The following TENM2 variants were observed in gnomAD, a reference collection of about 807,000 sequenced individuals.
The protein encoded by TENM2 is teneurin transmembrane protein 2, also known as teneurin-2.
TENM2 carries 52 observed loss-of-function variants against 245.2 expected under a neutral mutation model. That is an observed-to-expected ratio of 0.21 (90% confidence interval 0.17 to 0.27). The LOEUF is 0.27. Among genes scored for constraint, TENM2 ranks in the 10% least tolerant of loss-of-function variants. The pLI is 1.00. For synonymous variants in TENM2, 1,363 were observed against 1,438.9 expected, an observed-to-expected ratio of 0.95 and a Z score of 1.19; for missense variants, 3,046 against 3,666.8, an observed-to-expected ratio of 0.83 and a Z score of 4.37.
the TENM2 span, among the ~76,000 whole-genome samples, chr5:167,063,076 G>T: frequency 1.3e-5 from 2 of 152,106 alleles, no homozygotes; most frequent in Non-Finnish European, 2.9e-5. Context: ...CCAATTGGTG[G>T]ACACATTGTA....
At chr5:167,980,384 T>C (rs1247149786) in intron 4 of TENM2, among the ~76,000 whole-genome samples, 1 of 151,978 alleles carries the variant, frequency 6.6e-6, no homozygotes, top group Non-Finnish European at 1.5e-5. Flanking sequence ...GAGGAGAGAC[T>C]TGAAAGACCT....
chr5:167,049,216 TTCTGTGCTAC>T, the TENM2 span, among the ~76,000 whole-genome samples: 1 of 152,222 alleles, frequency 6.6e-6, no homozygotes, highest in Non-Finnish European at 1.5e-5. Context: ...CACATGTGCT[TTCTGTGCTAC>T]ACAGATCCAT....
intron 12 of TENM2, among the ~76,000 whole-genome samples, chr5:168,148,829 G>C (rs1274193559): frequency 6.6e-6 from 1 of 151,492 alleles, no homozygotes; most frequent in Non-Finnish European, 1.5e-5. Context: ...ACAGATTTTT[G>C]GTAAGGAATG....
intron 2 of TENM2, among the ~76,000 whole-genome samples, chr5:167,630,547 G>A (rs1778800006): frequency 6.6e-6 from 1 of 152,172 alleles, no homozygotes; most frequent in Non-Finnish European, 1.5e-5. Context: ...ACTGCACGAA[G>A]TGAAATTGCC....
chr5:167,645,397 A>T (rs1004048159), intron 2 of TENM2, among the ~76,000 whole-genome samples: 1 of 152,138 alleles, frequency 6.6e-6, no homozygotes, highest in Non-Finnish European at 1.5e-5. Context: ...AGGGTGGAGG[A>T]GGAAAGGTGT....
intron 1 of TENM2, among the ~76,000 whole-genome samples, chr5:167,321,813 CGGGGGGGG>C (rs796984665): frequency 2.8e-4 from 1 of 3,582 alleles, no homozygotes. Context: ...GGGGGGGGGG[CGGGGGGGG>C]GGGTGGATGG....
At chr5:167,357,800 T>C (rs914872477) in intron 1 of TENM2, among the ~76,000 whole-genome samples, 1 of 152,178 alleles carries the variant, frequency 6.6e-6, no homozygotes, top group Non-Finnish European at 1.5e-5. Flanking sequence ...GCCTGGTCTA[T>C]GCATTCTCTC....
At chr5:167,292,122 A>G (rs763010598) in intron 1 of TENM2, among the ~76,000 whole-genome samples, 5 of 152,164 alleles carry the variant, frequency 3.3e-5, no homozygotes, top group African/African-American at 4.8e-5. Context: ...TACCCCCATG[A>G]TTCAATTACC....
chr5:167,811,768 T>C (rs144233994), intron 2 of TENM2, among the ~76,000 whole-genome samples: 3 of 152,280 alleles, frequency 2.0e-5, no homozygotes, highest in African/African-American at 7.2e-5. Flanking sequence ...TCCCACCAGC[T>C]TGGCGTTCCA....
At chr5:167,589,046 C>T (rs1036747495) in intron 2 of TENM2, among the ~76,000 whole-genome samples, 4 of 151,892 alleles carry the variant, frequency 2.6e-5, no homozygotes, top group South Asian at 2.1e-4. Flanking sequence ...ACTAAAAATA[C>T]GAAAAATTAG....
chr5:167,204,417 G>A, the TENM2 span, among the ~76,000 whole-genome samples: 2 of 152,196 alleles, frequency 1.3e-5, no homozygotes, highest in Non-Finnish European at 2.9e-5. Flanking sequence ...GACCAGAGGT[G>A]AGAAAATCTG....
At chr5:168,246,372 G>A (rs1184247303) in intron 26 of TENM2, among the ~76,000 whole-genome samples, 1 of 152,188 alleles carries the variant, frequency 6.6e-6, no homozygotes, top group African/African-American at 2.4e-5. Flanking sequence ...TGAGCATGGA[G>A]GTAAACCTCA....
At chr5:167,084,327 TTATATA>T in the TENM2 span, among the ~76,000 whole-genome samples, 386 of 23,178 alleles carry the variant, frequency 0.017, 20 homozygotes, top group Middle Eastern at 0.033. Flanking sequence ...GCCATTTTAG[TTATATA>T]TATATATATA....
the TENM2 span, among the ~76,000 whole-genome samples, chr5:167,186,350 G>T: frequency 2.0e-5 from 3 of 152,302 alleles, no homozygotes; most frequent in Admixed American, 2.0e-4. Context: ...TTGTGACCCA[G>T]GCTTAAATTG....
At chr5:167,973,123 A>G (rs1221404739) in intron 4 of TENM2, among the ~76,000 whole-genome samples, 1 of 152,244 alleles carries the variant, frequency 6.6e-6, no homozygotes, top group East Asian at 1.9e-4. Context: ...CAAGTTTCTG[A>G]ATCCCAAGAG....
chr5:168,225,480 G>A (rs751195037), intron 23 of TENM2, among the ~76,000 whole-genome samples: 4 of 152,162 alleles, frequency 2.6e-5, no homozygotes, highest in Admixed American at 1.3e-4. Flanking sequence ...AACAAGAGAG[G>A]GCCAAGTGCG....
At chr5:167,343,313 A>C (rs186543995) in intron 1 of TENM2, among the ~76,000 whole-genome samples, 33 of 152,304 alleles carry the variant, frequency 2.2e-4, no homozygotes, top group African/African-American at 7.2e-4. Flanking sequence ...GAAAAATTAT[A>C]CTGGACACCA....
chr5:167,100,203 T>C, the TENM2 span, among the ~76,000 whole-genome samples: 1 of 152,196 alleles, frequency 6.6e-6, no homozygotes, highest in Non-Finnish European at 1.5e-5. Context: ...ATTATAGCTA[T>C]TATACAGATA....
At chr5:167,101,849 T>TATATATATATATATATATA in the TENM2 span, among the ~76,000 whole-genome samples, 12 of 69,436 alleles carry the variant, frequency 1.7e-4, no homozygotes, top group South Asian at 2.0e-3. Context: ...ATATATATAT[T>TATATATATATATATATATA]TATATATATA....
Sources: allele counts gnomAD v4.1 joint callset (sites outside exome capture counted in the v4.1 genomes callset), GRCh38; gene constraint gnomAD v4.1.1; transcripts MANE v1.5; gene names NCBI Gene and HGNC (gene_info 2026-07-23, HGNC 2026-07-21).